TAB2: variants seen among roughly 807,000 people sequenced by gnomAD.
TAB2 encodes TGF-beta-activated kinase 1 and MAP3K7-binding protein 2.
TAB2 carries 3 observed loss-of-function variants against 65.0 expected under a neutral mutation model. That is an observed-to-expected ratio of 0.05 (90% CI 0.02 to 0.12). The LOEUF is 0.12. Among genes scored for constraint, TAB2 ranks in the 10% least tolerant of loss-of-function variants. The pLI is 1.00. For missense variants in TAB2, 623 were observed against 840.3 expected, an observed-to-expected ratio of 0.74 and a Z score of 3.20; for synonymous variants, 298 against 285.1, an observed-to-expected ratio of 1.05 and a Z score of -0.46.
chr6:149,348,822 C>T (rs573229272), intron 1 of TAB2, among the ~76,000 whole-genome samples: 5 of 151,208 alleles, frequency 3.3e-5, no homozygotes, highest in Non-Finnish European at 5.9e-5. Context: ...AAAAATTAGC[C>T]GGGGGTGGTG....
At chr6:149,234,881 A>AAAAC (rs553505517) in intron 1 of TAB2, among the ~76,000 whole-genome samples, 82 of 147,932 alleles carry the variant, frequency 5.5e-4, no homozygotes, top group African/African-American at 2.0e-3. Context: ...AAAAAAAAAA[A>AAAAC]CACACTCTTT....
intron 1 of TAB2, among the ~76,000 whole-genome samples, chr6:149,336,737 G>A (rs1779945722): frequency 1.3e-5 from 2 of 152,028 alleles, no homozygotes; most frequent in Admixed American, 6.6e-5. Context: ...TCTAAGCAAG[G>A]GCAGTAGTGT....
At chr6:149,289,788 A>T (rs1583067226) in intron 1 of TAB2, among the ~76,000 whole-genome samples, 2 of 152,230 alleles carry the variant, frequency 1.3e-5, no homozygotes, top group Non-Finnish European at 2.9e-5. Flanking sequence ...TCGGGCTACA[A>T]CTTGGTTTTA....
chr6:149,370,085 A>G lies in TAB2; in HGVS notation c.88A>G (p.Arg30Gly). The G allele has an allele frequency of 6.2e-7, 1 of 1,613,948 alleles. No homozygotes were observed. Residue 30 changes from arginine to glycine, a missense_variant, in exon 2 of 7, where the codon AGG (arginine) becomes GGG (glycine). Around this residue, in one of 3 missense-constraint regions of TAB2, gnomAD observed 17 missense variants for 44.2 expected, o/e 0.38. Transcript: ENST00000637181. ...FPEVPEVVVS[R>G]CMLQNNNNLD... ...TGAAGTACCTGAAGTTGTTGTATCC[A>G]GGTGCATGTTACAGGTCAGTGTTCA...
At chr6:149,292,686 G>A (rs1466835350) in intron 1 of TAB2, among the ~76,000 whole-genome samples, 1 of 152,020 alleles carries the variant, frequency 6.6e-6, no homozygotes, top group Non-Finnish European at 1.5e-5. Flanking sequence ...GTCAAAAAAT[G>A]ACATAAAGAA....
chr6:149,384,795 C>T (rs6926168), intron 3 of TAB2, among the ~76,000 whole-genome samples: 7,540 of 152,054 alleles, frequency 0.05, 639 homozygotes, highest in African/African-American at 0.17. Flanking sequence ...GAGGACAAAG[C>T]ATTCCAACAA....
intron 1 of TAB2, among the ~76,000 whole-genome samples, chr6:149,364,445 G>T (rs1283844434): frequency 6.6e-6 from 1 of 152,122 alleles, no homozygotes; most frequent in Non-Finnish European, 1.5e-5. Context: ...ATAGCCACAA[G>T]CGAGATGGCA....
chr6:149,276,815 C>A (rs1399231260), intron 1 of TAB2, among the ~76,000 whole-genome samples: 1 of 152,080 alleles, frequency 6.6e-6, no homozygotes, highest in Non-Finnish European at 1.5e-5. Context: ...GGAATTTATC[C>A]TACAGAGATA....
At chr6:149,351,338 T>C (rs1780483558) in intron 1 of TAB2, among the ~76,000 whole-genome samples, 1 of 152,210 alleles carries the variant, frequency 6.6e-6, no homozygotes. Flanking sequence ...TATGCAGCCC[T>C]GTAAGGTTTT....
intron 1 of TAB2, among the ~76,000 whole-genome samples, chr6:149,352,859 C>G (rs1303598789): frequency 6.6e-6 from 1 of 152,164 alleles, no homozygotes; most frequent in Non-Finnish European, 1.5e-5. Context: ...AGGTGGTCCA[C>G]AGACCAAACT....
chr6:149,357,861 G>A (rs981719723), intron 1 of TAB2, among the ~76,000 whole-genome samples: 6 of 151,870 alleles, frequency 4.0e-5, no homozygotes, highest in East Asian at 3.9e-4. Context: ...CCCTACGCCC[G>A]GCTGATTTTT....
rs186269057 is a variant in TAB2, at chr6:149,298,753, A to T, written c.-120-79265A>T. 2.4e-3 allele frequency among the ~76,000 whole-genome samples: 361 copies of T among 152,342 alleles called. 3 individuals are homozygous for T. The highest frequency in any genetic ancestry group is 8.3e-3 in the African/African-American group (347 of 41,576). ...CTAACAAAGAATTAGAATGTGGAAGATATTTTACAAAATCTAAGACACACA... is the reference window on the plus strand; with the variant it reads ...CTAACAAAGAATTAGAATGTGGAAGTTATTTTACAAAATCTAAGACACACA... On this transcript the variant is annotated intron_variant, in intron 1 of 1. Coordinates refer to the TAB2 transcript ENST00000606202.
At chr6:149,274,221 G>A (rs1649290183) in intron 1 of TAB2, among the ~76,000 whole-genome samples, 1 of 152,198 alleles carries the variant, frequency 6.6e-6, no homozygotes, top group Non-Finnish European at 1.5e-5. Context: ...CTTGCCCTCA[G>A]TCACCCAAAG....
chr6:149,335,716 G>A (rs566831322), intron 1 of TAB2, among the ~76,000 whole-genome samples: 1 of 151,828 alleles, frequency 6.6e-6, no homozygotes, highest in African/African-American at 2.4e-5. Context: ...CAACTTGGCA[G>A]GGCTCTTTGA....
At position 149,330,215 on chromosome 6, in the gene TAB2, T is replaced by A. The variant is rs540445097; in HGVS notation, c.-90+12200T>A. ...TGTATGGATATACCACAATTTGACT[T>A]TGGAATTTCCAACTTTGGGTTGTAA... On this transcript the variant is annotated intron_variant, in intron 1 of 6. Coordinates refer to ENST00000637181, the MANE Select transcript of TAB2 (RefSeq NM_001292034.3). 2.0e-5 allele frequency among the ~76,000 whole-genome samples: 3 copies of A among 152,310 alleles called. No homozygotes were observed. In the South Asian group the frequency reaches 6.2e-4, roughly 32 times the overall value.
chr6:149,329,357 C>G (rs1013050141), intron 1 of TAB2, among the ~76,000 whole-genome samples: 6 of 152,056 alleles, frequency 3.9e-5, no homozygotes, highest in Admixed American at 6.5e-5. Context: ...TTGAATGTGA[C>G]ATAAAGCAGT....
intron 1 of TAB2, among the ~76,000 whole-genome samples, chr6:149,284,524 C>T (rs1187923107): frequency 6.6e-6 from 1 of 152,086 alleles, no homozygotes. Flanking sequence ...ACGTGCTCAA[C>T]AAGAGCTTTT....
At chr6:149,354,244 A>C (rs1033629047) in intron 1 of TAB2, among the ~76,000 whole-genome samples, 2 of 152,152 alleles carry the variant, frequency 1.3e-5, no homozygotes, top group African/African-American at 4.8e-5. Context: ...TTTGATCCTG[A>C]AATCGAAAGA....
At position 149,371,065 on chromosome 6, in the gene TAB2, CAAAAAAAA is replaced by C. The variant is rs33926884; in HGVS notation, c.102+984_102+991del. Among the ~76,000 whole-genome samples, 18 of 71,982 alleles carry C rather than the reference CAAAAAAAA, an allele frequency of 2.5e-4. No homozygotes were observed. In the South Asian group the frequency reaches 8.3e-3, roughly 33 times the overall value. 47.2% of individuals were successfully genotyped at this position (71,982 alleles called of 152,430 possible). Reference sequence around the variant, plus strand: ...TGGGAAACAGAGAGAGACCCTATCTCAAAAAAAAAAAAAAAAAAAAAAAAAGTGTCCGG... The same window carrying C: ...TGGGAAACAGAGAGAGACCCTATCTCAAAAAAAAAAAAAAAAAGTGTCCGG... On this transcript the variant is annotated intron_variant, in intron 2 of 6. Transcript: ENST00000637181.
Sources: allele counts gnomAD v4.1 joint callset (sites outside exome capture counted in the v4.1 genomes callset), GRCh38; gene constraint gnomAD v4.1.1; regional missense constraint gnomAD v4.1.1; transcripts MANE v1.5; gene names NCBI Gene and HGNC (gene_info 2026-07-23, HGNC 2026-07-21).